The following ZBTB20 variants were observed in gnomAD, a reference collection of about 807,000 sequenced individuals.
ZBTB20 encodes the protein zinc finger and BTB domain containing 20.
Under a neutral mutation model 56.9 loss-of-function variants are expected in ZBTB20, and 9 were observed. The observed-to-expected ratio is 0.16, with a 90% CI of 0.10 to 0.28. ZBTB20 has a LOEUF of 0.28. ZBTB20 is among the 10% of genes least tolerant of loss of function. ZBTB20 has a pLI of 1.00. For missense variants in ZBTB20, 655 were observed against 1,003.0 expected, an observed-to-expected ratio of 0.65 and a Z score of 4.69; for synonymous variants, 417 against 420.7, an observed-to-expected ratio of 0.99 and a Z score of 0.11.
chr3:114,661,950 T>G (rs1476407297), intron 6 of ZBTB20, among the ~76,000 whole-genome samples: 1 of 151,728 alleles, frequency 6.6e-6, no homozygotes, highest in African/African-American at 2.4e-5. Flanking sequence ...CATGTGCACA[T>G]TGTGCAGGTT....
At chr3:114,979,523 T>C (rs1028360934) in intron 2 of ZBTB20, among the ~76,000 whole-genome samples, 1 of 152,076 alleles carries the variant, frequency 6.6e-6, no homozygotes, top group Non-Finnish European at 1.5e-5. Flanking sequence ...TCAATGGACA[T>C]TATTTTGTAT....
At chr3:114,889,655 T>C (rs2076731120) in intron 4 of ZBTB20, among the ~76,000 whole-genome samples, 1 of 152,114 alleles carries the variant, frequency 6.6e-6, no homozygotes, top group Non-Finnish European at 1.5e-5. Context: ...TTTTAATACA[T>C]AAATTATTAA....
intron 4 of ZBTB20, among the ~76,000 whole-genome samples, chr3:114,887,274 T>C (rs1188528560): frequency 6.6e-6 from 1 of 152,066 alleles, no homozygotes; most frequent in East Asian, 1.9e-4. Context: ...ATTCAAACCA[T>C]AGCAGTGTGT....
intron 6 of ZBTB20, among the ~76,000 whole-genome samples, chr3:114,684,382 T>G (rs540824678): frequency 3.3e-5 from 5 of 152,308 alleles, no homozygotes; most frequent in African/African-American, 1.2e-4. Context: ...ATTTGTGGTG[T>G]TGTTTTTGTA....
At chr3:114,888,954 C>T (rs1053895246) in intron 4 of ZBTB20, among the ~76,000 whole-genome samples, 2 of 151,862 alleles carry the variant, frequency 1.3e-5, no homozygotes, top group African/African-American at 4.8e-5. Flanking sequence ...AATTTTTTTA[C>T]CTTTAAAAAG....
intron 5 of ZBTB20, among the ~76,000 whole-genome samples, chr3:114,742,637 T>C (rs907943016): frequency 3.3e-5 from 5 of 152,172 alleles, no homozygotes; most frequent in African/African-American, 9.7e-5. Flanking sequence ...CAAGGTTGCA[T>C]AGTAACTAAG....
intron 6 of ZBTB20, among the ~76,000 whole-genome samples, chr3:114,620,991 C>T (rs2107761314): frequency 1.3e-5 from 2 of 152,202 alleles, no homozygotes; most frequent in South Asian, 4.2e-4. Flanking sequence ...AAATATTTAA[C>T]ATATAGTAAA....
chr3:114,457,820 A>C (rs1295013731), intron 7 of ZBTB20, among the ~76,000 whole-genome samples: 2 of 152,162 alleles, frequency 1.3e-5, no homozygotes, highest in Admixed American at 1.3e-4. Context: ...GGAGCTGGGA[A>C]TTAAATCCAG....
chr3:115,066,287 G>C (rs1349533295), intron 2 of ZBTB20, among the ~76,000 whole-genome samples: 1 of 151,102 alleles, frequency 6.6e-6, no homozygotes, highest in African/African-American at 2.4e-5. Context: ...TCTGCAAATG[G>C]CACCACCCAG....
chr3:114,613,390 C>A (rs148530354), intron 6 of ZBTB20, among the ~76,000 whole-genome samples: 2 of 152,210 alleles, frequency 1.3e-5, no homozygotes, highest in Admixed American at 1.3e-4. Context: ...CATTATTTGA[C>A]CTTACATTTT....
chr3:114,957,751 T>A (rs957554471), intron 3 of ZBTB20, among the ~76,000 whole-genome samples: 1 of 152,222 alleles, frequency 6.6e-6, no homozygotes, highest in Non-Finnish European at 1.5e-5. Context: ...TATGAATCCA[T>A]AGACAAAAGG....
chr3:114,386,782 G>A (rs1011021233), intron 8 of ZBTB20, among the ~76,000 whole-genome samples: 1 of 152,130 alleles, frequency 6.6e-6, no homozygotes, highest in Admixed American at 6.5e-5. Flanking sequence ...GTAGAATGGG[G>A]TGGCAAGACT....
intron 3 of ZBTB20, among the ~76,000 whole-genome samples, chr3:114,950,646 C>T (rs1234264658): frequency 6.6e-6 from 1 of 151,986 alleles, no homozygotes; most frequent in Non-Finnish European, 1.5e-5. Flanking sequence ...ATAAGCACAC[C>T]AGCAATATCA....
chr3:114,925,639 G>C (rs1274208760), intron 3 of ZBTB20, among the ~76,000 whole-genome samples: 1 of 151,940 alleles, frequency 6.6e-6, no homozygotes, highest in Non-Finnish European at 1.5e-5. Context: ...CAATTCTCCT[G>C]CCTCAGCCTC....
intron 2 of ZBTB20, among the ~76,000 whole-genome samples, chr3:115,015,512 C>G (rs2079913697): frequency 6.6e-6 from 1 of 151,652 alleles, no homozygotes; most frequent in African/African-American, 2.4e-5. Flanking sequence ...GTCCCCCTCC[C>G]CATGTGTCCA....
At chr3:114,564,938 T>C (rs1172684348) in intron 6 of ZBTB20, among the ~76,000 whole-genome samples, 1 of 152,188 alleles carries the variant, frequency 6.6e-6, no homozygotes. Context: ...CTCAAATGTC[T>C]TCCTTCTCTT....
intron 2 of ZBTB20, among the ~76,000 whole-genome samples, chr3:115,063,652 A>AACAC (rs67995178): frequency 1.3e-4 from 20 of 149,634 alleles, no homozygotes; most frequent in African/African-American, 3.5e-4. Context: ...TTGTCAAAGC[A>AACAC]ACACACACAC....
chr3:115,103,721 C>A (rs112817043), intron 1 of ZBTB20, among the ~76,000 whole-genome samples: 1 of 152,230 alleles, frequency 6.6e-6, no homozygotes, highest in African/African-American at 2.4e-5. Flanking sequence ...GGATCATAAA[C>A]CTAAATGTAA....
At chr3:114,992,058 A>C (rs1049924784) in intron 2 of ZBTB20, among the ~76,000 whole-genome samples, 1 of 150,592 alleles carries the variant, frequency 6.6e-6, no homozygotes, top group Non-Finnish European at 1.5e-5. Context: ...CTCTCTCTCC[A>C]CCTAAACTTT....
Sources: allele counts gnomAD v4.1 joint callset (sites outside exome capture counted in the v4.1 genomes callset), GRCh38; gene constraint gnomAD v4.1.1; transcripts MANE v1.5; gene names NCBI Gene and HGNC (gene_info 2026-07-23, HGNC 2026-07-21).